The following CHST2 variants were observed in gnomAD, a reference collection of about 807,000 sequenced individuals.
The protein encoded by CHST2 is carbohydrate sulfotransferase 2.
A neutral mutation model predicts 34.6 loss-of-function variants in CHST2; 23 were observed. The ratio of observed to expected loss-of-function variants is 0.67; its 90% CI spans 0.48 to 0.94. The LOEUF is 0.94. Ranked by LOEUF, CHST2 falls within the 40% of genes least tolerant of loss-of-function variation. The pLI is 0.00. For synonymous variants in CHST2, 392 were observed against 343.1 expected (o/e 1.14, Z -1.58); for missense variants, 720 against 759.5 (o/e 0.95, Z 0.61).
chr3:143,121,893 A>C lies in CHST2; in HGVS notation c.1077A>C (p.Arg359=), dbSNP rs764030469. 10 of 1,577,062 alleles carry C rather than the reference A, an allele frequency of 6.3e-6. No individual in the cohort carries two copies. In the African/African-American group the frequency reaches 1.2e-4, roughly 19 times the overall value. The part of the protein sequence containing the change: ...IRESLQVVRS[R]DPRAHRMPFL... Reference sequence around the variant, plus strand: ...AGAGCCTACAGGTGGTGCGCAGCCGAGACCCGCGAGCTCACCGCATGCCCT... The same window carrying C: ...AGAGCCTACAGGTGGTGCGCAGCCGCGACCCGCGAGCTCACCGCATGCCCT... The change falls in exon 2 of 2, where the codon CGA becomes CGC. Residue 359 remains arginine, a synonymous_variant. Coordinates refer to ENST00000309575, the MANE Select transcript of CHST2 (RefSeq NM_004267.5).
rs1209162810 is a variant in CHST2 at position 143,123,925 on chromosome 3, T to A, written c.*1516T>A. Reference sequence around the variant, plus strand: ...GGTACTGAAACATTCTGCAGAATGTTATACTATGAGAAGAAATTGTGAAGC... The same window carrying A: ...GGTACTGAAACATTCTGCAGAATGTAATACTATGAGAAGAAATTGTGAAGC... On this transcript the variant is annotated 3_prime_UTR_variant, in exon 2 of 2. Transcript: ENST00000309575. 3 of 152,220 alleles carry A rather than the reference T, an allele frequency of 2.0e-5. No individual in the cohort carries two copies. Among genetic ancestry groups the A allele is most frequent in the African/African-American group, 7.2e-5 (3 of 41,450 alleles). The allele number at this position is 152,220 out of a possible 1,614,324, so 9.4% of individuals were successfully genotyped here. A position where few individuals can be genotyped will look rare whatever the true frequency, so the allele number is the denominator to read the frequency against.
In CHST2 at chr3:143,121,563, C is replaced by T. The variant is rs543629849; in HGVS notation, c.747C>T (p.Ile249=). Residue 249 remains isoleucine, a synonymous_variant, in exon 2 of 2, where the codon ATC becomes ATT. Coordinates refer to ENST00000309575, the MANE Select transcript of CHST2 (RefSeq NM_004267.5). ...SGGRNLTTLG[I]FGAATNKVVC... ...GGCGCAACCTCACCACGCTGGGCAT[C>T]TTCGGCGCAGCCACCAACAAGGTGG... The T allele has an allele frequency of 1.2e-6, 2 of 1,610,106 alleles. No individual in the cohort carries two copies. Among genetic ancestry groups the T allele is most frequent in the East Asian group, 2.2e-5 (1 of 44,798 alleles).
chr3:143,121,217 GGGCGGCTCCTGCAGCCGC>G lies in CHST2; in HGVS notation c.405_422del (p.Ala136_Ala141del). On this transcript the variant is annotated inframe_deletion, in exon 2 of 2. Transcript: ENST00000309575. The stretch of plus-strand genomic sequence containing the variant: ...TACCGCCCTCCCGCTGCCGCCGTCG[GGGCGGCTCCTGCAGCCGC>G]GGCAGGGATGGCGGGGGTTGCGGCC... The G allele has an allele frequency of 6.4e-7, 1 of 1,572,716 alleles. No homozygotes were observed. The highest frequency in any genetic ancestry group is 8.6e-7 in the Non-Finnish European group (1 of 1,163,508).
At position 143,120,734 on chromosome 3, in the gene CHST2, G is replaced by A. The variant is rs1273117944; in HGVS notation, c.-83G>A. 2.6e-6 allele frequency: 3 copies of A among 1,170,172 alleles called. No homozygotes were observed. The highest frequency in any genetic ancestry group is 3.2e-5 in the African/African-American group (2 of 62,130). The allele number at this position is 1,170,172 out of a possible 1,614,324, so 72.5% of individuals were successfully genotyped here. A position where few individuals can be genotyped will look rare whatever the true frequency, so the allele number is the denominator to read the frequency against. On this transcript the variant is annotated 5_prime_UTR_variant, in exon 2 of 2. Transcript: ENST00000309575. The surrounding 1 kb of genome is among the most constrained non-coding windows in gnomAD (Gnocchi z 4.1). The stretch of plus-strand genomic sequence containing the variant: ...GCCTCGGAGTCGCGGCCCGAGTCCC[G>A]GCGCCAGCAGCCAGCCCGCTGCGTC...
rs1402838093 is a variant in CHST2, at chr3:143,121,041, C to T, written c.225C>T (p.Asp75=). 7.2e-6 allele frequency: 11 copies of T among 1,526,792 alleles called. No homozygotes were observed. The highest frequency in any genetic ancestry group is 9.7e-6 in the Non-Finnish European group (11 of 1,138,000). The allele number at this position is 1,526,792 out of a possible 1,614,324, so 94.6% of individuals were successfully genotyped here. Residue 75 remains aspartate, a synonymous_variant, in exon 2 of 2, where the codon GAC becomes GAT. Transcript: ENST00000309575. ...TGCTCACTATGCTCAACCTCCTGGA[C>T]TACAAGTGGCACAAGGAGCCGCTGC... ...LLVLTMLNLL[D]YKWHKEPLQQ...
In CHST2 at chr3:143,122,076, C is replaced by G. The variant is rs1936233802; in HGVS notation, c.1260C>G (p.Tyr420Ter). ...LQPPDWLQGH[Y>*]LVVRYEDLVG... Reference sequence around the variant, plus strand: ...CCCCTGACTGGCTGCAGGGCCACTACCTGGTGGTGCGGTACGAGGACCTGG... The same window carrying G: ...CCCCTGACTGGCTGCAGGGCCACTAGCTGGTGGTGCGGTACGAGGACCTGG... The change falls in exon 2 of 2, where the codon TAC (tyrosine) becomes TAG (stop). Residue 420 changes from tyrosine to a stop codon, truncating the protein, a stop_gained. Coordinates refer to ENST00000309575, the MANE Select transcript of CHST2 (RefSeq NM_004267.5). LOFTEE classifies it high-confidence loss of function. The G allele has an allele frequency of 6.2e-7, 1 of 1,614,004 alleles. No homozygotes were observed.
rs1245203651 is a variant in CHST2, at chr3:143,121,308, G to C, written c.492G>C (p.Arg164=). 6.2e-7 allele frequency: 1 copy of C among 1,612,822 alleles called. No individual in the cohort carries two copies. Among genetic ancestry groups the C allele is most frequent in the African/African-American group, 1.3e-5 (1 of 74,946 alleles). Residue 164 remains arginine (R), a synonymous_variant, in exon 2 of 2, where the codon CGG becomes CGC. Transcript: ENST00000309575. ...TRGTGGVGDK[R]QLVYVFTTWR... ...GCACCGGGGGCGTCGGGGACAAGCG[G>C]CAGCTGGTGTACGTGTTCACCACGT... is the stretch of plus-strand genomic sequence containing the variant.
chr3:143,121,259 C>T lies in CHST2; in HGVS notation c.443C>T (p.Ala148Val). Residue 148 changes from alanine to valine, a missense_variant, in exon 2 of 2, where the codon GCC (alanine) becomes GTC (valine). Ala to Val is a moderately conservative substitution (Grantham distance 64, BLOSUM62 0). Coordinates refer to ENST00000309575, the MANE Select transcript of CHST2 (RefSeq NM_004267.5). ...AAAAGMAGVA[A>V]PPGNGTRGTG... ...GCGGCAGGGATGGCGGGGGTTGCGG[C>T]CCCTCCAGGCAATGGCACTCGGGGC... 13 of 1,591,952 alleles carry T rather than the reference C, an allele frequency of 8.2e-6. No homozygotes were observed. The highest frequency in any genetic ancestry group is 1.1e-5 in the Non-Finnish European group (13 of 1,171,462).
rs769769693 is a variant in CHST2, at chr3:143,122,160, C to A, written c.1344C>A (p.Ser448Arg). The A allele has an allele frequency of 6.2e-7, 1 of 1,614,198 alleles. No individual in the cohort carries two copies. The highest frequency in any genetic ancestry group is 1.7e-5 in the Admixed American group (1 of 60,028). The change falls in exon 2 of 2, where the codon AGC (serine) becomes AGA (arginine). Residue 448 changes from serine to arginine, a missense_variant. Coordinates refer to ENST00000309575, the MANE Select transcript of CHST2 (RefSeq NM_004267.5). ...ACGATTTTGTGGGACTGTTGGTGAG[C>A]CCCGAAATGGAGCAGTTTGCCCTGA... ...RVYDFVGLLVSPEMEQFALNM... is the reference protein window; with the variant it reads ...RVYDFVGLLVRPEMEQFALNM...
At position 143,121,642 on chromosome 3, in the gene CHST2, G is replaced by A. The variant is rs371391853; in HGVS notation, c.826G>A (p.Asp276Asn). 7.0e-6 allele frequency: 11 copies of A among 1,573,180 alleles called. No individual in the cohort carries two copies. The highest frequency in any genetic ancestry group is 1.3e-5 in the African/African-American group (1 of 74,366). The stretch of plus-strand genomic sequence containing the variant: ...CCGCAAGGAGGTCGTGGGGTTGGTG[G>A]ACGACCGCGTGTGCAAGAAGTGCCC... ...AYRKEVVGLV[D>N]DRVCKKCPPQ... Residue 276 changes from aspartate (D) to asparagine (N), a missense_variant, in exon 2 of 2, where the codon GAC becomes AAC. Transcript: ENST00000309575.
At position 143,121,050 on chromosome 3, in the gene CHST2, G is replaced by T; in HGVS notation, c.234G>T (p.Trp78Cys). Residue 78 changes from tryptophan (W) to cysteine (C), a missense_variant, in exon 2 of 2, where the codon TGG (tryptophan) becomes TGT (cysteine). Around this residue, in one of 4 missense-constraint regions of CHST2, gnomAD observed 287 missense variants for 242.7 expected, o/e 1.18. Coordinates refer to ENST00000309575, the MANE Select transcript of CHST2 (RefSeq NM_004267.5). ...LTMLNLLDYK[W>C]HKEPLQQCNP... is the part of the protein sequence containing the mutation. ...TGCTCAACCTCCTGGACTACAAGTG[G>T]CACAAGGAGCCGCTGCAGCAGTGCA... 1 of 1,523,632 alleles carries T rather than the reference G, an allele frequency of 6.6e-7. No homozygotes were observed. Among genetic ancestry groups the T allele is most frequent in the African/African-American group, 1.4e-5 (1 of 69,856 alleles). 94.4% of individuals were successfully genotyped at this position (1,523,632 alleles called of 1,614,324 possible). A position where few individuals can be genotyped will look rare whatever the true frequency, so the allele number is the denominator to read the frequency against.
chr3:143,121,053 C>A lies in CHST2; in HGVS notation c.237C>A (p.His79Gln). Residue 79 changes from histidine to glutamine, a missense_variant, in exon 2 of 2, where the codon CAC (histidine) becomes CAA (glutamine). Transcript: ENST00000309575. ...TCAACCTCCTGGACTACAAGTGGCACAAGGAGCCGCTGCAGCAGTGCAACC... is the reference window on the plus strand; with the variant it reads ...TCAACCTCCTGGACTACAAGTGGCAAAAGGAGCCGCTGCAGCAGTGCAACC... Reference protein sequence around the residue: ...TMLNLLDYKWHKEPLQQCNPD... With the variant: ...TMLNLLDYKWQKEPLQQCNPD... The A allele has an allele frequency of 6.6e-7, 1 of 1,523,226 alleles. No homozygotes were observed. Among genetic ancestry groups the A allele is most frequent in the African/African-American group, 1.4e-5 (1 of 69,802 alleles). 94.4% of individuals were successfully genotyped at this position (1,523,226 alleles called of 1,614,324 possible).
Position 143,121,141 on chromosome 3 carries a change from C to T in CHST2, c.325C>T (p.Pro109Ser). The change falls in exon 2 of 2, where the codon CCT (proline) becomes TCT (serine). Residue 109 changes from proline to serine, a missense_variant. Physicochemically the swap from Pro to Ser is moderately conservative, Grantham distance 74. Around this residue, in one of 4 missense-constraint regions of CHST2, gnomAD observed 287 missense variants for 242.7 expected, o/e 1.18. Coordinates refer to ENST00000309575, the MANE Select transcript of CHST2 (RefSeq NM_004267.5). ...AGGSWGRPGPPPAGPPRAHAR... is the reference protein window; with the variant it reads ...AGGSWGRPGPSPAGPPRAHAR... ...AGGCAGCTGGGGGCGCCCAGGGCCG[C>T]CTCCGGCCGGGCCGCCCCGTGCTCA... is the stretch of plus-strand genomic sequence containing the variant. 6.9e-7 allele frequency: 1 copy of T among 1,455,452 alleles called. No homozygotes were observed. The highest frequency in any genetic ancestry group is 9.0e-7 in the Non-Finnish European group (1 of 1,115,388). The allele number at this position is 1,455,452 out of a possible 1,614,324, so 90.2% of individuals were successfully genotyped here. A position where few individuals can be genotyped will look rare whatever the true frequency, so the allele number is the denominator to read the frequency against.
chr3:143,120,923 G>A lies in CHST2; in HGVS notation c.107G>A (p.Arg36His), dbSNP rs779297674. Residue 36 changes from arginine to histidine, a missense_variant, in exon 2 of 2, where the codon CGC becomes CAC. Coordinates refer to ENST00000309575, the MANE Select transcript of CHST2 (RefSeq NM_004267.5). This position sits in a 1 kb window ranked among gnomAD's most constrained non-coding sequence, Gnocchi z 4.1. ...GCCCTGCTCCCGCAGTGGCCCCGGC[G>A]CCCAGGACGCCGCTGGCCCGCGTCC... ...PRALLPQWPRRPGRRWPASPL... is the reference protein window; with the variant it reads ...PRALLPQWPRHPGRRWPASPL... 2 of 1,516,708 alleles carry A rather than the reference G, an allele frequency of 1.3e-6. No individual in the cohort carries two copies. The highest frequency in any genetic ancestry group is 2.9e-5 in the African/African-American group (2 of 69,892). 94.0% of individuals were successfully genotyped at this position (1,516,708 alleles called of 1,614,324 possible). A position where few individuals can be genotyped will look rare whatever the true frequency, so the allele number is the denominator to read the frequency against.
chr3:143,120,977 A>G lies in CHST2; in HGVS notation c.161A>G (p.Lys54Arg). Residue 54 changes from lysine to arginine, a missense_variant, in exon 2 of 2, where the codon AAG becomes AGG. By Grantham distance (26) the Lys-to-Arg change is conservative (BLOSUM62 2). Transcript: ENST00000309575. The surrounding 1 kb of genome is among the most constrained non-coding windows in gnomAD (Gnocchi z 4.1). ...CTCGGAATGAAGGTGTTCCGTAGGAAGGCGCTGGTGTTGTGCGCGGGCTAT... is the reference window on the plus strand; with the variant it reads ...CTCGGAATGAAGGTGTTCCGTAGGAGGGCGCTGGTGTTGTGCGCGGGCTAT... ...SPLGMKVFRRKALVLCAGYAL... is the reference protein window; with the variant it reads ...SPLGMKVFRRRALVLCAGYAL... 3 of 1,542,212 alleles carry G rather than the reference A, an allele frequency of 1.9e-6. No homozygotes were observed. Among genetic ancestry groups the G allele is most frequent in the African/African-American group, 1.4e-5 (1 of 71,430 alleles).
rs1936227256 is a variant in CHST2 at position 143,121,842 on chromosome 3, C to A, written c.1026C>A (p.Ile342=). ...RDPRAVASSR[I]RSRHGLIRES... Reference sequence around the variant, plus strand: ...CCCGCGCGGTGGCGAGTTCACGGATCCGCTCGCGCCACGGCCTCATCCGTG... The same window carrying A: ...CCCGCGCGGTGGCGAGTTCACGGATACGCTCGCGCCACGGCCTCATCCGTG... Residue 342 remains isoleucine, a synonymous_variant, in exon 2 of 2, where the codon ATC becomes ATA. Transcript: ENST00000309575. 3 of 1,588,206 alleles carry A rather than the reference C, an allele frequency of 1.9e-6. No homozygotes were observed. Among genetic ancestry groups the A allele is most frequent in the Admixed American group, 1.7e-5 (1 of 58,510 alleles).
At position 143,123,709 on chromosome 3, in the gene CHST2, T is replaced by A. The variant is rs1936262044; in HGVS notation, c.*1300T>A. On this transcript the variant is annotated 3_prime_UTR_variant, in exon 2 of 2. Transcript: ENST00000309575. ...TTATCATGTTTCCTAAAAGTAAATT[T>A]GCAAAGAAAGTAACATGCTGCAGAC... The A allele has an allele frequency of 6.6e-6, 1 of 152,254 alleles. No homozygotes were observed. 9.4% of individuals were successfully genotyped at this position (152,254 alleles called of 1,614,324 possible).
Position 143,120,649 on chromosome 3 carries a change from AC to A in CHST2, c.-165del, listed in dbSNP as rs1936196046. The A allele has an allele frequency of 2.0e-6, 1 of 490,190 alleles. No individual in the cohort carries two copies. Among genetic ancestry groups the A allele is most frequent in the Non-Finnish European group, 3.0e-6 (1 of 333,586 alleles). 30.4% of individuals were successfully genotyped at this position (490,190 alleles called of 1,614,324 possible). On this transcript the variant is annotated 5_prime_UTR_variant, in exon 2 of 2. Coordinates refer to ENST00000309575, the MANE Select transcript of CHST2 (RefSeq NM_004267.5). The surrounding 1 kb of genome is among the most constrained non-coding windows in gnomAD (Gnocchi z 4.1). ...CACTCCGCTTCCCCTCGCAGGTCCT[AC>A]CCGGAGCCGCTGCCATGGGAGAGCC...
Position 143,123,498 on chromosome 3 carries a change from G to A in CHST2, c.*1089G>A, listed in dbSNP as rs1159288737. ...TCGTTGGTTTAGCAAAGTGACAGAA[G>A]TATCTATTTGGAGTGTTTTTCTGAC... On this transcript the variant is annotated 3_prime_UTR_variant, in exon 2 of 2. Coordinates refer to ENST00000309575, the MANE Select transcript of CHST2 (RefSeq NM_004267.5). 1 of 152,358 alleles carries A rather than the reference G, an allele frequency of 6.6e-6. No individual in the cohort carries two copies. Among genetic ancestry groups the A allele is most frequent in the Admixed American group, 6.5e-5 (1 of 15,306 alleles). The allele number at this position is 152,358 out of a possible 1,614,324, so 9.4% of individuals were successfully genotyped here. A position where few individuals can be genotyped will look rare whatever the true frequency, so the allele number is the denominator to read the frequency against.
Sources: allele counts gnomAD v4.1 joint callset, GRCh38; gene constraint gnomAD v4.1.1; regional missense constraint gnomAD v4.1.1; non-coding constraint Gnocchi (gnomAD v3.1); transcripts MANE v1.5; gene names NCBI Gene and HGNC (gene_info 2026-07-23, HGNC 2026-07-21).